Variants in DSCAML1 observed in about 807,000 individuals in gnomAD.
DSCAML1 encodes cell adhesion molecule DSCAML1.
Under a neutral mutation model 200.5 loss-of-function variants are expected in DSCAML1, and 38 were observed. That is an observed-to-expected ratio of 0.19 (90% CI 0.15 to 0.25). The LOEUF is 0.25. DSCAML1 is among the 10% of genes least tolerant of loss of function. DSCAML1 has a pLI of 1.00. For missense variants in DSCAML1, 2,223 were observed against 2,858.8 expected, an observed-to-expected ratio of 0.78 and a Z score of 5.07; for synonymous variants, 1,215 against 1,165.0, an observed-to-expected ratio of 1.04 and a Z score of -0.87.
chr11:117,558,416 A>G lies in DSCAML1; in HGVS notation c.512-25894T>C, dbSNP rs548687370. 9.8e-5 allele frequency among the ~76,000 whole-genome samples: 15 copies of G among 152,328 alleles called. No homozygotes were observed. In the South Asian group the frequency reaches 3.1e-3, roughly 32 times the overall value. On this transcript the variant is annotated intron_variant, in intron 3 of 32. Coordinates refer to ENST00000651296, the MANE Select transcript of DSCAML1 (RefSeq NM_020693.4). ...GCAACCAGAGAAGCAAGAAGATAAT[A>G]AAACAATAGCCACCCAAGGAAGTTG...
intron 3 of DSCAML1, among the ~76,000 whole-genome samples, chr11:117,558,890 C>T (rs550794254): frequency 2.9e-3 from 449 of 152,222 alleles, no homozygotes; most frequent in Middle Eastern, 0.014. Flanking sequence ...CAGATAACAC[C>T]AGTAGTTTTG....
intron 1 of DSCAML1, among the ~76,000 whole-genome samples, chr11:117,811,517 G>T (rs1379619712): frequency 6.6e-6 from 1 of 152,194 alleles, no homozygotes; most frequent in Non-Finnish European, 1.5e-5. Flanking sequence ...GCAGCGGCCA[G>T]GCGTTCCTCC....
intron 3 of DSCAML1, among the ~76,000 whole-genome samples, chr11:117,635,676 A>G (rs985154293): frequency 1.3e-5 from 2 of 151,872 alleles, no homozygotes; most frequent in African/African-American, 4.8e-5. Flanking sequence ...AGAAAGGGCA[A>G]AGGAGATCGA....
rs1242530073 is a variant in DSCAML1, at chr11:117,439,424, T to A, written c.3986A>T (p.Asp1329Val). The stretch of plus-strand genomic sequence containing the variant: ...ATCCATGGACACTGGAATGGCCGAG[T>A]CTTCACTGCCAGGGGCGAGGATGGG... ...PAVKWTKDSE[D>V]SAIPVSMDGH... The change falls in exon 23 of 33, where the codon GAC becomes GTC. Residue 1329 changes from aspartate (D) to valine (V), a missense_variant. Coordinates refer to ENST00000651296, the MANE Select transcript of DSCAML1 (RefSeq NM_020693.4). The A allele has an allele frequency of 1.2e-6, 2 of 1,612,092 alleles. No homozygotes were observed. Among genetic ancestry groups the A allele is most frequent in the Non-Finnish European group, 1.7e-6 (2 of 1,179,514 alleles).
intron 3 of DSCAML1, among the ~76,000 whole-genome samples, chr11:117,655,754 G>A (rs2052720709): frequency 6.6e-6 from 1 of 152,222 alleles, no homozygotes; most frequent in African/African-American, 2.4e-5. Context: ...ATCTCAGGAT[G>A]GAGATGCTGG....
chr11:117,689,778 G>A (rs1168912667), intron 3 of DSCAML1, among the ~76,000 whole-genome samples: 3 of 152,194 alleles, frequency 2.0e-5, no homozygotes, highest in Admixed American at 2.0e-4. Context: ...GAGACCAGCA[G>A]GCTTAATTCA....
chr11:117,565,193 G>C (rs566115095), intron 3 of DSCAML1, among the ~76,000 whole-genome samples: 43 of 151,708 alleles, frequency 2.8e-4, no homozygotes, highest in African/African-American at 9.9e-4. Context: ...AAAAATCAAT[G>C]TGTACTAAAG....
At chr11:117,496,889 G>A (rs1342309602) in intron 11 of DSCAML1, among the ~76,000 whole-genome samples, 5 of 152,184 alleles carry the variant, frequency 3.3e-5, no homozygotes, top group South Asian at 2.1e-4. Flanking sequence ...TGTTCTATTC[G>A]ACCTTGAAAC....
rs114976900 is a variant in DSCAML1, at chr11:117,609,656, C to T, written c.512-77134G>A. ...TTATCAACTCTTTTTATTTGTTCTCCGAATTCTCTGTCATGTTCCTTGCCC... is the reference window on the plus strand; with the variant it reads ...TTATCAACTCTTTTTATTTGTTCTCTGAATTCTCTGTCATGTTCCTTGCCC... On this transcript the variant is annotated intron_variant, in intron 3 of 32. Transcript: ENST00000651296. 9.7e-3 allele frequency among the ~76,000 whole-genome samples: 1,481 copies of T among 152,180 alleles called. 24 individuals are homozygous for T. Among genetic ancestry groups the T allele is most frequent in the African/African-American group, 0.03 (1,248 of 41,524 alleles).
chr11:117,495,357 GCAAA>G (rs1187960690), intron 11 of DSCAML1, among the ~76,000 whole-genome samples: 1 of 152,194 alleles, frequency 6.6e-6, no homozygotes, highest in Non-Finnish European at 1.5e-5. Context: ...CTGAATGCAA[GCAAA>G]CACAGACAGG....
At chr11:117,705,912 C>T (rs2053751396) in intron 3 of DSCAML1, among the ~76,000 whole-genome samples, 1 of 152,144 alleles carries the variant, frequency 6.6e-6, no homozygotes, top group Non-Finnish European at 1.5e-5. Flanking sequence ...GCAAGAAGTG[C>T]CTTGTCCAGC....
intron 3 of DSCAML1, among the ~76,000 whole-genome samples, chr11:117,589,002 G>T (rs991649007): frequency 2.6e-5 from 4 of 152,208 alleles, no homozygotes; most frequent in Non-Finnish European, 5.9e-5. Flanking sequence ...CACACAGGGG[G>T]AGAGGCTGCT....
chr11:117,486,450 T>TGG (rs1565731509), intron 11 of DSCAML1, among the ~76,000 whole-genome samples: 1 of 150,468 alleles, frequency 6.6e-6, no homozygotes, highest in Non-Finnish European at 1.5e-5. Flanking sequence ...GTGGCAGATA[T>TGG]GAAAGTAGCG....
chr11:117,594,952 C>G (rs1335173044), intron 3 of DSCAML1, among the ~76,000 whole-genome samples: 1 of 152,130 alleles, frequency 6.6e-6, no homozygotes, highest in East Asian at 1.9e-4. Flanking sequence ...AGGGACTCCT[C>G]AATAGTTCAC....
rs1203702506 is a variant in DSCAML1 at position 117,469,362 on chromosome 11, T to A, written c.3024+548A>T. On this transcript the variant is annotated intron_variant, in intron 16 of 32. Coordinates refer to ENST00000651296, the MANE Select transcript of DSCAML1 (RefSeq NM_020693.4). This position sits in a 1 kb window ranked among gnomAD's most constrained non-coding sequence, Gnocchi z 4.1. ...CTGCTCAAGGTCATTCTGTTCTGTTTCCCTGCCCAGCTGTGGAATCTCCCC... is the reference window on the plus strand; with the variant it reads ...CTGCTCAAGGTCATTCTGTTCTGTTACCCTGCCCAGCTGTGGAATCTCCCC... 6.6e-6 allele frequency among the ~76,000 whole-genome samples: 1 copy of A among 152,166 alleles called. No homozygotes were observed. Among genetic ancestry groups the A allele is most frequent in the Non-Finnish European group, 1.5e-5 (1 of 68,034 alleles).
chr11:117,476,253 T>G (rs2048789558), intron 14 of DSCAML1, among the ~76,000 whole-genome samples: 7 of 152,062 alleles, frequency 4.6e-5, no homozygotes, highest in Admixed American at 4.6e-4. Context: ...AATCTTTGGT[T>G]TTTCAGGAGA....
intron 3 of DSCAML1, among the ~76,000 whole-genome samples, chr11:117,560,065 G>A (rs2050633430): frequency 6.6e-6 from 1 of 152,142 alleles, no homozygotes; most frequent in African/African-American, 2.4e-5. Flanking sequence ...GGCAGGATGA[G>A]GGTGTGATGG....
At chr11:117,644,551 C>T (rs978348941) in intron 3 of DSCAML1, among the ~76,000 whole-genome samples, 2 of 152,254 alleles carry the variant, frequency 1.3e-5, no homozygotes, top group South Asian at 2.1e-4. Flanking sequence ...CTCCCACAGA[C>T]GACATCCATC....
chr11:117,484,044 G>A (rs896414341), intron 11 of DSCAML1, among the ~76,000 whole-genome samples: 2 of 8,962 alleles, frequency 2.2e-4, no homozygotes, highest in Admixed American at 8.2e-4. Flanking sequence ...CCTGCCCCCC[G>A]CCCCTGCCCC....
Sources: gnomAD v4.1 joint callset for allele counts (sites outside exome capture counted in the v4.1 genomes callset) on GRCh38, gnomAD v4.1.1 for gene constraint, Gnocchi (gnomAD v3.1) non-coding constraint, MANE v1.5 for transcripts, NCBI Gene and HGNC (gene_info 2026-07-23, HGNC 2026-07-21) for gene names.